DPP10: variants seen among roughly 807,000 people sequenced by gnomAD.
DPP10 encodes inactive dipeptidyl peptidase 10.
A neutral mutation model predicts 120.9 loss-of-function variants in DPP10; 33 were observed. The observed-to-expected ratio is 0.27, with a 90% CI of 0.21 to 0.37. The LOEUF (loss-of-function observed/expected upper bound fraction) is 0.37, where lower values mean the gene tolerates loss of function less well. Among genes scored for constraint, DPP10 ranks in the 10% least tolerant of loss-of-function variants. The pLI, the probability that DPP10 is intolerant of heterozygous loss-of-function variation, is 1.00. For synonymous variants in DPP10, 337 were observed against 326.1 expected, an observed-to-expected ratio of 1.03 and a Z score of -0.36; for missense variants, 816 against 942.8, an observed-to-expected ratio of 0.87 and a Z score of 1.76.
chr2:114,640,673 T>C (rs1695641345), intron 1 of DPP10, among the ~76,000 whole-genome samples: 2 of 151,870 alleles, frequency 1.3e-5, no homozygotes, highest in South Asian at 4.1e-4. Flanking sequence ...TGGATGTTGA[T>C]GGTAGCCCCA....
At chr2:114,800,677 T>A (rs1434234492) in intron 1 of DPP10, among the ~76,000 whole-genome samples, 1 of 152,212 alleles carries the variant, frequency 6.6e-6, no homozygotes, top group East Asian at 1.9e-4. Context: ...TTTATCCTCA[T>A]GATGTTTAGA....
At position 114,668,804 on chromosome 2, in the gene DPP10, C is replaced by A. The variant is rs182919128; in HGVS notation, c.60+225966C>A. Among the ~76,000 whole-genome samples, 752 of 152,230 alleles carry A rather than the reference C, an allele frequency of 4.9e-3. 3 individuals are homozygous for A. Among genetic ancestry groups the A allele is most frequent in the Middle Eastern group, 0.017 (5 of 294 alleles). Reference sequence around the variant, plus strand: ...TGTGGAATGTTCCCTCCTCTATTCTCTGATAGGAGACTTTTTATTGCATTT... The same window carrying A: ...TGTGGAATGTTCCCTCCTCTATTCTATGATAGGAGACTTTTTATTGCATTT... On this transcript the variant is annotated intron_variant, in intron 1 of 25. Transcript: ENST00000410059.
chr2:114,512,940 A>G (rs186224329), intron 1 of DPP10, among the ~76,000 whole-genome samples: 1 of 152,290 alleles, frequency 6.6e-6, no homozygotes, highest in African/African-American at 2.4e-5. Flanking sequence ...AATGCAGATC[A>G]TTGACTGAAC....
intron 3 of DPP10, among the ~76,000 whole-genome samples, chr2:115,394,489 A>T (rs529183073): frequency 6.6e-6 from 1 of 152,000 alleles, no homozygotes; most frequent in East Asian, 1.9e-4. Flanking sequence ...AAAAAGAAAA[A>T]AAAAGAAAGG....
At chr2:114,949,631 A>C (rs1010301174) in intron 1 of DPP10, among the ~76,000 whole-genome samples, 2 of 152,118 alleles carry the variant, frequency 1.3e-5, no homozygotes, top group African/African-American at 2.4e-5. Flanking sequence ...GCTGGGTCTG[A>C]GTCTGGAATC....
At chr2:114,975,167 A>T (rs1848757) in intron 1 of DPP10, among the ~76,000 whole-genome samples, 150,993 of 152,048 alleles carry the variant, frequency 0.99, 74,981 homozygotes, top group Non-Finnish European at 1. Context: ...TGCCTCAGCC[A>T]CCCAAGTAGC....
At position 114,857,298 on chromosome 2, in the gene DPP10, AG is replaced by A. The variant is rs538804755; in HGVS notation, c.60+414463del. ...ACAAAATGCACCTGGGTGTTTTATGAGGGAAGTTATTCCACCTGAAGGAGAA... is the reference window on the plus strand; with the variant it reads ...ACAAAATGCACCTGGGTGTTTTATGAGGAAGTTATTCCACCTGAAGGAGAA... On this transcript the variant is annotated intron_variant, in intron 1 of 25. Coordinates refer to ENST00000410059, the MANE Select transcript of DPP10 (RefSeq NM_020868.6). Among the ~76,000 whole-genome samples the A allele has an allele frequency of 8.5e-5, 13 of 152,330 alleles. No homozygotes were observed. In the East Asian group the frequency reaches 2.5e-3, roughly 29 times the overall value.
intron 1 of DPP10, among the ~76,000 whole-genome samples, chr2:115,118,793 TTAG>T (rs756906902): frequency 1.5e-5 from 2 of 134,174 alleles, no homozygotes; most frequent in Admixed American, 7.4e-5. Flanking sequence ...GTGTGTGTGT[TTAG>T]TAGAGATGGG....
intron 1 of DPP10, among the ~76,000 whole-genome samples, chr2:114,609,086 G>A (rs1238087861): frequency 6.6e-6 from 1 of 152,094 alleles, no homozygotes; most frequent in African/African-American, 2.4e-5. Flanking sequence ...AGAATGTAGA[G>A]CTTGGAAGGT....
intron 1 of DPP10, among the ~76,000 whole-genome samples, chr2:115,259,433 G>A (rs573003451): frequency 3.3e-5 from 5 of 150,546 alleles, no homozygotes; most frequent in African/African-American, 7.3e-5. Flanking sequence ...GCAGTGAGCC[G>A]AGATCGCACC....
At chr2:115,087,177 A>G (rs1708780662) in intron 1 of DPP10, among the ~76,000 whole-genome samples, 1 of 152,090 alleles carries the variant, frequency 6.6e-6, no homozygotes, top group South Asian at 2.1e-4. Context: ...TTTGATCCAT[A>G]ATGGTATTTT....
intron 9 of DPP10, among the ~76,000 whole-genome samples, chr2:115,744,418 G>C (rs1677686272): frequency 6.7e-6 from 1 of 150,340 alleles, no homozygotes; most frequent in South Asian, 2.1e-4. Context: ...GTCACAGAAG[G>C]CTAAACTGCC....
chr2:114,688,289 A>G (rs1699502663), intron 1 of DPP10, among the ~76,000 whole-genome samples: 1 of 152,026 alleles, frequency 6.6e-6, no homozygotes, highest in Non-Finnish European at 1.5e-5. Context: ...TGAATCTAAA[A>G]TATAAAAAAC....
At chr2:115,290,016 A>G (rs2060588660) in intron 1 of DPP10, among the ~76,000 whole-genome samples, 1 of 152,166 alleles carries the variant, frequency 6.6e-6, no homozygotes, top group African/African-American at 2.4e-5. Context: ...TTAACTAAAA[A>G]ACTTCTGCAC....
At chr2:114,509,787 T>C (rs1332768265) in intron 1 of DPP10, among the ~76,000 whole-genome samples, 2 of 152,190 alleles carry the variant, frequency 1.3e-5, no homozygotes, top group African/African-American at 4.8e-5. Context: ...AGATGCCAAT[T>C]TGGAAATGCA....
chr2:115,368,072 T>G (rs184907664), intron 3 of DPP10, among the ~76,000 whole-genome samples: 60 of 152,276 alleles, frequency 3.9e-4, no homozygotes, highest in Admixed American at 2.0e-3. Flanking sequence ...TTGCTGTAAA[T>G]TAAGGTCTGT....
intron 1 of DPP10, among the ~76,000 whole-genome samples, chr2:115,270,930 G>A (rs2059674164): frequency 1.3e-5 from 2 of 151,856 alleles, no homozygotes; most frequent in South Asian, 4.2e-4. Flanking sequence ...TGCAAATTAG[G>A]TATTCATTTT....
chr2:114,491,801 G>A (rs564223753), intron 1 of DPP10, among the ~76,000 whole-genome samples: 10 of 152,232 alleles, frequency 6.6e-5, no homozygotes, highest in African/African-American at 2.4e-4. Flanking sequence ...ACCTTGGAAG[G>A]CAAATTTAAA....
At chr2:115,360,783 A>T (rs2064713801) in intron 3 of DPP10, among the ~76,000 whole-genome samples, 1 of 152,022 alleles carries the variant, frequency 6.6e-6, no homozygotes, top group African/African-American at 2.4e-5. Flanking sequence ...GGCCTGCTAT[A>T]CCTCTGTACT....
Sources: allele counts gnomAD v4.1 joint callset (sites outside exome capture counted in the v4.1 genomes callset), GRCh38; gene constraint gnomAD v4.1.1; transcripts MANE v1.5; gene names NCBI Gene and HGNC (gene_info 2026-07-23, HGNC 2026-07-21).